Variants in NRXN3 observed in about 807,000 individuals in gnomAD.
NRXN3 encodes neurexin 3.
NRXN3 carries 32 observed loss-of-function variants against 137.6 expected under a neutral mutation model. The ratio of observed to expected loss-of-function variants is 0.23; its 90% CI spans 0.18 to 0.31. The LOEUF (loss-of-function observed/expected upper bound fraction) is 0.31, where lower values mean the gene tolerates loss of function less well. Among genes scored for constraint, NRXN3 ranks in the 10% least tolerant of loss-of-function variants. The pLI is 1.00. For synonymous variants in NRXN3, 798 were observed against 784.5 expected, an observed-to-expected ratio of 1.02 and a Z score of -0.29; for missense variants, 1,574 against 2,062.5, an observed-to-expected ratio of 0.76 and a Z score of 4.59.
intron 16 of NRXN3, among the ~76,000 whole-genome samples, chr14:79,574,726 C>T (rs978601522): frequency 6.6e-6 from 1 of 151,920 alleles, no homozygotes; most frequent in East Asian, 1.9e-4. Context: ...TCTTTAGAAG[C>T]GAGTCACGAT....
intron 15 of NRXN3, among the ~76,000 whole-genome samples, chr14:79,338,697 T>C (rs764707290): frequency 1.3e-5 from 2 of 152,224 alleles, no homozygotes; most frequent in African/African-American, 2.4e-5. Flanking sequence ...CACATATTAT[T>C]AGAAATGTGG....
rs79592852 is a variant in NRXN3 at position 79,395,412 on chromosome 14, C to A, written c.3263-71809C>A. Among the ~76,000 whole-genome samples, 273 of 152,200 alleles carry A rather than the reference C, an allele frequency of 1.8e-3. 1 individual carries two copies. The highest frequency in any genetic ancestry group is 6.4e-3 in the African/African-American group (264 of 41,528). On this transcript the variant is annotated intron_variant, in intron 15 of 20. Transcript: ENST00000335750. Reference sequence around the variant, plus strand: ...TTTTCTTCATAAAGGCAAAACAGTGCCTTTTCAAGAGATTTTGAGTTTGAT... The same window carrying A: ...TTTTCTTCATAAAGGCAAAACAGTGACTTTTCAAGAGATTTTGAGTTTGAT...
rs143366248 is a variant in NRXN3 at position 79,203,603 on chromosome 14, A to G, written c.3262+215462A>G. ...GTGATAGCATTTTTCTCTGGGATCT[A>G]ATAACCCAGTAACCTTGGACACCAG... On this transcript the variant is annotated intron_variant, in intron 15 of 20. Transcript: ENST00000335750. Among the ~76,000 whole-genome samples, 299 of 152,294 alleles carry G rather than the reference A, an allele frequency of 2.0e-3. 5 individuals carry two copies. Among genetic ancestry groups the G allele is most frequent in the African/African-American group, 7.0e-3 (290 of 41,562 alleles).
intron 15 of NRXN3, among the ~76,000 whole-genome samples, chr14:79,178,264 A>T (rs1057489364): frequency 3.2e-4 from 48 of 152,304 alleles, no homozygotes; most frequent in Middle Eastern, 3.4e-3. Flanking sequence ...CAATTTTTTT[A>T]AAAAAATTAT....
chr14:79,156,003 T>A (rs1376340328), intron 15 of NRXN3, among the ~76,000 whole-genome samples: 1 of 151,832 alleles, frequency 6.6e-6, no homozygotes, highest in Non-Finnish European at 1.5e-5. Context: ...ACATTTATTT[T>A]AAAAATCTCT....
At chr14:78,423,957 A>G (rs1305395410) in intron 4 of NRXN3, among the ~76,000 whole-genome samples, 5 of 152,236 alleles carry the variant, frequency 3.3e-5, no homozygotes, top group African/African-American at 4.8e-5. Context: ...ACTCCAGGCT[A>G]GGGTCAGAGC....
intron 15 of NRXN3, among the ~76,000 whole-genome samples, chr14:79,264,556 GT>G (rs2078158357): frequency 6.6e-6 from 1 of 151,664 alleles, no homozygotes; most frequent in Non-Finnish European, 1.5e-5. Context: ...GTGTGTGTGT[GT>G]GCGCGCGTGC....
At chr14:79,735,335 G>A (rs540253880) in intron 19 of NRXN3, among the ~76,000 whole-genome samples, 36 of 152,184 alleles carry the variant, frequency 2.4e-4, no homozygotes, top group Admixed American at 5.2e-4. Flanking sequence ...CAATTGTTAC[G>A]CAAGACTAAT....
At chr14:78,963,916 C>A (rs1387805963) in intron 11 of NRXN3, among the ~76,000 whole-genome samples, 1 of 151,860 alleles carries the variant, frequency 6.6e-6, no homozygotes, top group African/African-American at 2.4e-5. Context: ...TAGGTACATA[C>A]CTCTATGCCT....
chr14:78,734,250 CA>C (rs61415490), intron 8 of NRXN3, among the ~76,000 whole-genome samples: 8,306 of 145,020 alleles, frequency 0.057, 302 homozygotes, highest in East Asian at 0.11. Context: ...CACACACACA[CA>C]CACCCTTTTC....
intron 19 of NRXN3, among the ~76,000 whole-genome samples, chr14:79,786,710 C>G (rs1486237381): frequency 1.3e-5 from 2 of 152,186 alleles, no homozygotes; most frequent in Admixed American, 1.3e-4. Flanking sequence ...ATGATAAACT[C>G]TGTTAACTGC....
chr14:78,711,828 A>G (rs905968017), intron 7 of NRXN3, among the ~76,000 whole-genome samples: 1 of 152,206 alleles, frequency 6.6e-6, no homozygotes, highest in African/African-American at 2.4e-5. Flanking sequence ...TGAAAGCAGT[A>G]TAATCTAAAA....
At chr14:78,888,056 A>T (rs1021124122) in intron 10 of NRXN3, among the ~76,000 whole-genome samples, 2 of 152,104 alleles carry the variant, frequency 1.3e-5, no homozygotes, top group Admixed American at 6.6e-5. Flanking sequence ...CTCAAATTGC[A>T]ATAGTCCTTT....
intron 4 of NRXN3, among the ~76,000 whole-genome samples, chr14:78,620,340 C>G (rs552716491): frequency 5.4e-4 from 82 of 152,190 alleles, no homozygotes; most frequent in Admixed American, 2.0e-3. Context: ...TAGCTGCATG[C>G]AGATAATGTG....
intron 15 of NRXN3, among the ~76,000 whole-genome samples, chr14:79,002,974 T>G (rs1169315393): frequency 6.6e-6 from 1 of 152,116 alleles, no homozygotes; most frequent in Non-Finnish European, 1.5e-5. Flanking sequence ...TTTTATTTAT[T>G]TGTTTATTTT....
At chr14:78,938,355 A>C (rs2099346042) in intron 10 of NRXN3, among the ~76,000 whole-genome samples, 1 of 152,202 alleles carries the variant, frequency 6.6e-6, no homozygotes, top group Non-Finnish European at 1.5e-5. Flanking sequence ...ATTGTGAGGC[A>C]TTTGAATGAT....
intron 15 of NRXN3, among the ~76,000 whole-genome samples, chr14:79,340,999 G>A (rs2092581085): frequency 6.6e-6 from 1 of 152,182 alleles, no homozygotes. Flanking sequence ...AAATTAAAAT[G>A]AGAATTGCGC....
chr14:79,144,654 A>G (rs1362566300), intron 15 of NRXN3, among the ~76,000 whole-genome samples: 2 of 152,194 alleles, frequency 1.3e-5, no homozygotes, highest in African/African-American at 4.8e-5. Flanking sequence ...TTCTTGTGAA[A>G]TGGTCGCCTC....
intron 16 of NRXN3, among the ~76,000 whole-genome samples, chr14:79,470,442 A>G (rs537728174): frequency 3.5e-4 from 54 of 152,216 alleles, no homozygotes; most frequent in African/African-American, 1.2e-3. Context: ...ATGTTTTCAC[A>G]TGGCAGAAGG....
Sources: gnomAD v4.1 joint callset for allele counts (sites outside exome capture counted in the v4.1 genomes callset) on GRCh38, gnomAD v4.1.1 for gene constraint, MANE v1.5 for transcripts, NCBI Gene and HGNC (gene_info 2026-07-23, HGNC 2026-07-21) for gene names.